NLGN1: variants seen among roughly 807,000 people sequenced by gnomAD.
NLGN1 encodes neuroligin-1.
Under a neutral mutation model 65.5 loss-of-function variants are expected in NLGN1, and 12 were observed. The observed-to-expected ratio is 0.18, with a 90% CI of 0.12 to 0.30. The LOEUF is 0.30. Ranked by LOEUF, NLGN1 falls within the 10% of genes least tolerant of loss-of-function variation. NLGN1 has a pLI of 1.00. For synonymous variants in NLGN1, 350 were observed against 359.5 expected, an observed-to-expected ratio of 0.97 and a Z score of 0.30; for missense variants, 750 against 1,007.1, an observed-to-expected ratio of 0.74 and a Z score of 3.46.
Position 173,802,328 on chromosome 3 carries a change from A to C in NLGN1, c.494-5352A>C, listed in dbSNP as rs193185122. Among the ~76,000 whole-genome samples, 424 of 152,300 alleles carry C rather than the reference A, an allele frequency of 2.8e-3. 5 individuals carry two copies. The highest frequency in any genetic ancestry group is 0.026 in the South Asian group (127 of 4,822). The stretch of plus-strand genomic sequence containing the variant: ...CTAAAACCCTATTAAAATGTCAGGT[A>C]GTATTCAGGTTAAGTACTAAGCCAT... On this transcript the variant is annotated intron_variant, in intron 3 of 6. Coordinates refer to ENST00000457714, the Ensembl canonical transcript of NLGN1.
intron 1 of NLGN1, among the ~76,000 whole-genome samples, chr3:173,417,054 A>G (rs1404589634): frequency 6.6e-6 from 1 of 152,032 alleles, no homozygotes; most frequent in African/African-American, 2.4e-5. Flanking sequence ...AAACTGGTAA[A>G]CCTGGAAATC....
At chr3:173,810,521 G>T (rs1395474550) in intron 4 of NLGN1, among the ~76,000 whole-genome samples, 1 of 152,216 alleles carries the variant, frequency 6.6e-6, no homozygotes, top group African/African-American at 2.4e-5. Flanking sequence ...CAAGATCATT[G>T]ATTTGAGGCG....
At chr3:174,040,922 C>G (rs1732156554) in intron 4 of NLGN1, among the ~76,000 whole-genome samples, 1 of 152,126 alleles carries the variant, frequency 6.6e-6, no homozygotes, top group Non-Finnish European at 1.5e-5. Context: ...CAGTACACTT[C>G]TCCCCACATA....
At chr3:173,463,580 G>A (rs1215159010) in intron 2 of NLGN1, among the ~76,000 whole-genome samples, 1 of 152,106 alleles carries the variant, frequency 6.6e-6, no homozygotes, top group Non-Finnish European at 1.5e-5. Context: ...TGTTGAATTG[G>A]CTCACTTCTT....
intron 3 of NLGN1, among the ~76,000 whole-genome samples, chr3:173,710,113 G>A (rs1334736644): frequency 6.6e-6 from 1 of 151,960 alleles, no homozygotes; most frequent in Non-Finnish European, 1.5e-5. Flanking sequence ...ATTACTTATG[G>A]ATTTTTCAAA....
intron 4 of NLGN1, among the ~76,000 whole-genome samples, chr3:173,821,580 T>C (rs554301218): frequency 6.6e-6 from 1 of 152,248 alleles, no homozygotes; most frequent in South Asian, 2.1e-4. Context: ...AACAAGAAAT[T>C]GGGATTTTAG....
chr3:174,242,045 C>CAT (rs1026835958), intron 4 of NLGN1, among the ~76,000 whole-genome samples: 26 of 152,156 alleles, frequency 1.7e-4, no homozygotes, highest in African/African-American at 6.3e-4. Context: ...TTTCTCACAG[C>CAT]AACCGAGCAT....
intron 4 of NLGN1, among the ~76,000 whole-genome samples, chr3:174,224,814 A>G (rs1427882293): frequency 2.0e-5 from 3 of 152,174 alleles, no homozygotes; most frequent in Admixed American, 1.3e-4. Flanking sequence ...TGAGATGGTC[A>G]CTGAAATACT....
At chr3:174,171,969 C>G (rs1030549145) in intron 4 of NLGN1, among the ~76,000 whole-genome samples, 10 of 152,044 alleles carry the variant, frequency 6.6e-5, no homozygotes, top group Non-Finnish European at 2.9e-5. Flanking sequence ...TATTTACTTA[C>G]TGAGACCCAA....
At chr3:173,600,009 T>A (rs948764680) in intron 2 of NLGN1, among the ~76,000 whole-genome samples, 5 of 152,056 alleles carry the variant, frequency 3.3e-5, no homozygotes, top group African/African-American at 1.2e-4. Context: ...TGGGGGGCAT[T>A]TTAATCCCAA....
intron 4 of NLGN1, among the ~76,000 whole-genome samples, chr3:174,041,240 TG>T (rs1178616204): frequency 6.6e-6 from 1 of 152,142 alleles, no homozygotes; most frequent in African/African-American, 2.4e-5. Context: ...TTAAATAGTG[TG>T]CACTTCTTCC....
rs574194163 is a variant in NLGN1, at chr3:173,701,466, G to T, written c.493+96375G>T. On this transcript the variant is annotated intron_variant, in intron 3 of 6. Transcript: ENST00000457714. ...AGCATCTAGATGCCACAAATGATAA[G>T]AAACTCATTCTTATAGAGCCTCCAG... Among the ~76,000 whole-genome samples, 28 of 152,210 alleles carry T rather than the reference G, an allele frequency of 1.8e-4. No individual in the cohort carries two copies. The South Asian group carries it at 5.6e-3, about 30-fold the overall frequency.
intron 1 of NLGN1, among the ~76,000 whole-genome samples, chr3:173,401,901 T>C (rs544998088): frequency 2.6e-5 from 4 of 152,298 alleles, no homozygotes; most frequent in African/African-American, 9.6e-5. Flanking sequence ...ATTTTTCCTT[T>C]TGATGATATT....
At chr3:173,943,229 C>CAA (rs67146625) in intron 4 of NLGN1, among the ~76,000 whole-genome samples, 1,497 of 149,022 alleles carry the variant, frequency 0.01, 23 homozygotes, top group African/African-American at 0.032. Context: ...GTCTCAAAAA[C>CAA]AAAAAAAAAT....
chr3:173,522,937 G>T (rs1735009027), intron 2 of NLGN1, among the ~76,000 whole-genome samples: 1 of 151,702 alleles, frequency 6.6e-6, no homozygotes, highest in East Asian at 1.9e-4. Context: ...CATCTTTGTT[G>T]TTTTTTGACT....
At chr3:174,020,853 C>T (rs1218135065) in intron 4 of NLGN1, among the ~76,000 whole-genome samples, 1 of 152,100 alleles carries the variant, frequency 6.6e-6, no homozygotes, top group Non-Finnish European at 1.5e-5. Context: ...ACATAAATGT[C>T]TGGAATCCAA....
intron 2 of NLGN1, among the ~76,000 whole-genome samples, chr3:173,445,365 G>C (rs535347685): frequency 1.4e-4 from 21 of 151,292 alleles, no homozygotes; most frequent in African/African-American, 4.9e-4. Context: ...TGGTATTCTA[G>C]TAAAATGACC....
intron 4 of NLGN1, among the ~76,000 whole-genome samples, chr3:173,908,642 G>C (rs1738934034): frequency 6.6e-6 from 1 of 152,180 alleles, no homozygotes; most frequent in South Asian, 2.1e-4. Flanking sequence ...GCATGGTACA[G>C]CCTACGTGTA....
chr3:173,475,739 T>C (rs376755752), intron 2 of NLGN1, among the ~76,000 whole-genome samples: 9 of 152,322 alleles, frequency 5.9e-5, no homozygotes, highest in African/African-American at 9.6e-5. Flanking sequence ...AAGTATGTTT[T>C]ATCTCTTTGA....
Sources: gnomAD v4.1 joint callset for allele counts (sites outside exome capture counted in the v4.1 genomes callset) on GRCh38, gnomAD v4.1.1 for gene constraint, MANE v1.5 for transcripts, NCBI Gene and HGNC (gene_info 2026-07-23, HGNC 2026-07-21) for gene names.